Variants in SPAG6 observed in about 807,000 individuals in gnomAD.
SPAG6 encodes the protein sperm associated antigen 6.
A neutral mutation model predicts 58.5 loss-of-function variants in SPAG6; 49 were observed. The observed-to-expected ratio is 0.84, with a 90% CI of 0.67 to 1.06. SPAG6 has a LOEUF of 1.06. Ranked by LOEUF, SPAG6 falls within the 50% of genes least tolerant of loss-of-function variation. The pLI, the probability that SPAG6 is intolerant of heterozygous loss-of-function variation, is 0.00. For missense variants in SPAG6, 560 were observed against 611.3 expected (o/e 0.92, Z 0.89); for synonymous variants, 233 against 225.6 (o/e 1.03, Z -0.29).
intron 9 of SPAG6, among the ~76,000 whole-genome samples, chr10:22,401,740 C>T (rs1834419629): frequency 6.6e-6 from 1 of 152,120 alleles, no homozygotes; most frequent in South Asian, 2.1e-4. Flanking sequence ...ACAATTTTAA[C>T]AAATATAGCT....
At chr10:22,406,213 C>T (rs1449382804) in intron 9 of SPAG6, among the ~76,000 whole-genome samples, 1 of 152,122 alleles carries the variant, frequency 6.6e-6, no homozygotes, top group Non-Finnish European at 1.5e-5. Context: ...TTCTTTAGTT[C>T]TTTTAATTGT....
intron 2 of SPAG6, among the ~76,000 whole-genome samples, chr10:22,364,190 T>G (rs916539408): frequency 3.9e-5 from 6 of 152,242 alleles, no homozygotes; most frequent in African/African-American, 1.4e-4. Context: ...CTCAATTTTC[T>G]CATCTGTAAA....
chr10:22,347,630 T>G (rs1223240500), intron 2 of SPAG6, among the ~76,000 whole-genome samples: 2 of 152,238 alleles, frequency 1.3e-5, no homozygotes, highest in South Asian at 4.1e-4. Flanking sequence ...CGGAGTATCA[T>G]GTTTTAGTGA....
At chr10:22,358,578 T>C (rs1836938319) in intron 2 of SPAG6, among the ~76,000 whole-genome samples, 1 of 152,022 alleles carries the variant, frequency 6.6e-6, no homozygotes, top group East Asian at 1.9e-4. Context: ...AGAAGCTCTT[T>C]AGTTTAATGA....
chr10:22,374,602 TAAAAAAAA>T (rs764220934), intron 4 of SPAG6, among the ~76,000 whole-genome samples: 2 of 97,154 alleles, frequency 2.1e-5, no homozygotes, highest in Non-Finnish European at 4.2e-5. Context: ...ACCCTGTATG[TAAAAAAAA>T]AAAAAAAAAA....
chr10:22,380,293 TTTTGTTTGTTTGTTTG>T (rs375844648), intron 4 of SPAG6, among the ~76,000 whole-genome samples: 2 of 151,670 alleles, frequency 1.3e-5, no homozygotes, highest in Admixed American at 6.6e-5. Context: ...TAAATGTAGG[TTTTGTTTGTTTGTTTG>T]TTTGTTTGTT....
chr10:22,402,018 T>C (rs1834426456), intron 9 of SPAG6, among the ~76,000 whole-genome samples: 1 of 152,168 alleles, frequency 6.6e-6, no homozygotes, highest in African/African-American at 2.4e-5. Context: ...CGGTTCTGAA[T>C]TGGAGTACCT....
At chr10:22,380,265 A>G (rs1009159541) in intron 4 of SPAG6, among the ~76,000 whole-genome samples, 1 of 152,132 alleles carries the variant, frequency 6.6e-6, no homozygotes, top group African/African-American at 2.4e-5. Flanking sequence ...TTAATATCAT[A>G]TAAGTGGCAG....
intron 4 of SPAG6, among the ~76,000 whole-genome samples, chr10:22,375,208 G>T (rs923547819): frequency 1.3e-5 from 2 of 152,166 alleles, no homozygotes; most frequent in African/African-American, 4.8e-5. Flanking sequence ...ATACCTTTTT[G>T]ATATTGGGGG....
intron 2 of SPAG6, among the ~76,000 whole-genome samples, chr10:22,356,473 T>C (rs1458193023): frequency 6.6e-6 from 1 of 152,322 alleles, no homozygotes; most frequent in South Asian, 2.1e-4. Context: ...GACTTTCCTT[T>C]CCCCTTAAAA....
chr10:22,387,969 TAGAG>T lies in SPAG6; in HGVS notation c.829_832del (p.Glu277LeufsTer12). 6.2e-7 allele frequency: 1 copy of T among 1,611,660 alleles called. No homozygotes were observed. The highest frequency in any genetic ancestry group is 2.2e-5 in the East Asian group (1 of 44,840). On this transcript the variant is annotated frameshift_variant, in exon 6 of 11. Transcript: ENST00000376624. LOFTEE classifies it high-confidence loss of function. ...TGAAGAAAAATGCTTCTACTTTAAT[TAGAG>T]AGATTGCAAAACATACACCCGAGGT...
intron 4 of SPAG6, among the ~76,000 whole-genome samples, chr10:22,375,723 C>T (rs561509615): frequency 1.2e-4 from 18 of 151,640 alleles, no homozygotes; most frequent in African/African-American, 3.6e-4. Flanking sequence ...CGATTACAGG[C>T]GCCTGCCACC....
rs1833669555 is a variant in SPAG6, at chr10:22,370,913, A to C, written c.472+2235A>C. 1.3e-5 allele frequency among the ~76,000 whole-genome samples: 2 copies of C among 152,188 alleles called. 1 individual carries two copies. The highest frequency in any genetic ancestry group is 1.3e-4 in the Admixed American group (2 of 15,278). ...GATTATAACATGAGTGTTGGAAAAG[A>C]GCTTTGAGGGACAACTGTATAGATA... is the stretch of plus-strand genomic sequence containing the variant. On this transcript the variant is annotated intron_variant, in intron 4 of 10. Coordinates refer to ENST00000376624, the MANE Select transcript of SPAG6 (RefSeq NM_012443.4).
chr10:22,374,637 G>A (rs182097059), intron 4 of SPAG6, among the ~76,000 whole-genome samples: 14 of 148,668 alleles, frequency 9.4e-5, no homozygotes, highest in African/African-American at 3.2e-4. Context: ...TTCACCAGAT[G>A]TTGTGGTGTG....
chr10:22,394,564 T>G (rs1834249290), intron 8 of SPAG6, among the ~76,000 whole-genome samples: 2 of 152,320 alleles, frequency 1.3e-5, no homozygotes, highest in Non-Finnish European at 2.9e-5. Context: ...TATCTAATTT[T>G]AGAATATTTT....
chr10:22,353,391 A>G (rs1463383150), intron 2 of SPAG6, among the ~76,000 whole-genome samples: 1 of 152,276 alleles, frequency 6.6e-6, no homozygotes, highest in Non-Finnish European at 1.5e-5. Context: ...AAATTAAAAT[A>G]GAGTTTTGTC....
In SPAG6 at chr10:22,347,996, T is replaced by G. The variant is rs994574701; in HGVS notation, c.121+2178T>G. Reference sequence around the variant, plus strand: ...CCTGTAAACTTTGTTATGAAAACTTTTCTTTCTTTCTTTGAGACAGAGTCT... The same window carrying G: ...CCTGTAAACTTTGTTATGAAAACTTGTCTTTCTTTCTTTGAGACAGAGTCT... On this transcript the variant is annotated intron_variant, in intron 2 of 10. Transcript: ENST00000376624. Among the ~76,000 whole-genome samples, 5 of 145,850 alleles carry G rather than the reference T, an allele frequency of 3.4e-5. No individual in the cohort carries two copies. In the South Asian group the frequency reaches 6.2e-4, roughly 18 times the overall value.
chr10:22,346,276 T>A (rs1757350480), intron 2 of SPAG6, among the ~76,000 whole-genome samples: 1 of 152,086 alleles, frequency 6.6e-6, no homozygotes, highest in Non-Finnish European at 1.5e-5. Flanking sequence ...TCCAAGAAAT[T>A]CCAAGTAGGT....
intron 2 of SPAG6, chr10:22,359,397 G>T (rs1054312388): frequency 2.9e-6 from 1 of 340,252 alleles, no homozygotes; most frequent in Non-Finnish European, 4.2e-6. Context: ...ATAAATTTAT[G>T]ATTTTTTTTT....
Sources: gnomAD v4.1 joint callset for allele counts (sites outside exome capture counted in the v4.1 genomes callset) on GRCh38, gnomAD v4.1.1 for gene constraint, MANE v1.5 for transcripts, NCBI Gene and HGNC (gene_info 2026-07-23, HGNC 2026-07-21) for gene names.